Variants in ERCC3 observed in about 807,000 individuals in gnomAD.
ERCC3 encodes ERCC excision repair 3, TFIIH core complex helicase subunit.
ERCC3 carries 66 observed loss-of-function variants against 94.2 expected under a neutral mutation model. The observed-to-expected ratio is 0.70, with a 90% CI of 0.57 to 0.86. The LOEUF is 0.86. ERCC3 is among the 40% of genes least tolerant of loss of function. ERCC3 has a pLI of 0.00. For missense variants in ERCC3, 829 were observed against 987.1 expected (o/e 0.84, Z 2.15); for synonymous variants, 349 against 369.1 (o/e 0.95, Z 0.63).
chr2:127,275,068 C>T (rs187513135), intron 10 of ERCC3, among the ~76,000 whole-genome samples: 2 of 152,326 alleles, frequency 1.3e-5, no homozygotes, highest in East Asian at 3.9e-4. Context: ...TGCCATATAA[C>T]CCTAAGCCTC....
chr2:127,272,009 T>C (rs903171027), intron 11 of ERCC3, among the ~76,000 whole-genome samples: 1 of 30,052 alleles, frequency 3.3e-5, no homozygotes, highest in Non-Finnish European at 6.0e-5. Context: ...TCTCATTTCT[T>C]TTTTTTTTTT....
At chr2:127,287,693 C>G (rs1573958760) in intron 7 of ERCC3, among the ~76,000 whole-genome samples, 1 of 152,112 alleles carries the variant, frequency 6.6e-6, no homozygotes, top group Non-Finnish European at 1.5e-5. Flanking sequence ...TTGCCCACAG[C>G]CACGGGACAG....
rs919148453 is a variant in ERCC3, at chr2:127,277,414, G to A, written c.1730+1759C>T. ...TTTACAAAAAAGAAAATGTAAGGCC[G>A]GGCATGGTGGCTCACACCTGTAATC... On this transcript the variant is annotated intron_variant, in intron 10 of 14. Coordinates refer to ENST00000285398, the MANE Select transcript of ERCC3 (RefSeq NM_000122.2). The surrounding 1 kb of genome is among the most constrained non-coding windows in gnomAD (Gnocchi z 5.1). 3.3e-5 allele frequency among the ~76,000 whole-genome samples: 5 copies of A among 152,148 alleles called. No homozygotes were observed. The highest frequency in any genetic ancestry group is 7.4e-5 in the Non-Finnish European group (5 of 67,994).
In ERCC3 at chr2:127,289,337, C is replaced by G. The variant is rs746369215; in HGVS notation, c.822G>C (p.Gln274His). The change falls in exon 6 of 15, where the codon CAG (glutamine) becomes CAC (histidine). Residue 274 changes from glutamine (Q) to histidine (H), a missense_variant and splice_region_variant. Transcript: ENST00000285398. ...CCAGGAGGAAGGTACATTCACTAAC[C>G]TGCTTGACTTCAAAAGACACTGTCT... ...ETQTVSFEVK[Q>H]EMIEELQKRC... The G allele has an allele frequency of 6.2e-7, 1 of 1,613,746 alleles. No individual in the cohort carries two copies. Among genetic ancestry groups the G allele is most frequent in the African/African-American group, 1.3e-5 (1 of 75,030 alleles).
At chr2:127,289,605 G>GTT (rs1290762879) in intron 5 of ERCC3, 84 bp downstream of exon 5, 3 of 1,603,290 alleles carry the variant, frequency 1.9e-6, no homozygotes, top group Non-Finnish European at 2.6e-6. Flanking sequence ...CTGCTAGGTT[G>GTT]TAAGTGCTGG....
chr2:127,266,916 G>A (rs1210174221), intron 12 of ERCC3, among the ~76,000 whole-genome samples: 3 of 151,870 alleles, frequency 2.0e-5, no homozygotes, highest in Admixed American at 6.6e-5. Context: ...GGGTTTCACC[G>A]TGTTGCCCAG....
In ERCC3 at chr2:127,268,262, T is replaced by C. The variant is rs113994457; in HGVS notation, c.1945+3074A>G. On this transcript the variant is annotated intron_variant, in intron 12 of 14. Transcript: ENST00000285398. ...AGCCACCGCGCCTGGCCTGTTTTTT[T>C]GTTTGTTTTTGTTTTAAACAGGATC... Among the ~76,000 whole-genome samples the C allele has an allele frequency of 3.6e-3, 540 of 152,074 alleles. 2 individuals carry two copies. The highest frequency in any genetic ancestry group is 0.012 in the African/African-American group (506 of 41,448).
In ERCC3 at chr2:127,258,287, C is replaced by G. The variant is rs528574648; in HGVS notation, c.2218-560G>C. ...AAGTTCCTTAAAATCTCCTGAGACA[C>G]CACCATAAGGCTTTGAATCAAGTGG... On this transcript the variant is annotated intron_variant, in intron 14 of 14. Coordinates refer to ENST00000285398, the MANE Select transcript of ERCC3 (RefSeq NM_000122.2). This position sits in a 1 kb window ranked among gnomAD's most constrained non-coding sequence, Gnocchi z 4.1. Among the ~76,000 whole-genome samples, 1 of 152,256 alleles carries G rather than the reference C, an allele frequency of 6.6e-6. No individual in the cohort carries two copies. Among genetic ancestry groups the G allele is most frequent in the East Asian group, 1.9e-4 (1 of 5,182 alleles).
rs59921131 is a variant in ERCC3, at chr2:127,272,007, CTTTTTT to C, written c.1828-560_1828-555del. Among the ~76,000 whole-genome samples the C allele has an allele frequency of 6.3e-5, 4 of 63,050 alleles. No individual in the cohort carries two copies. In the East Asian group the frequency reaches 2.5e-3, roughly 39 times the overall value. 41.4% of individuals were successfully genotyped at this position (63,050 alleles called of 152,430 possible). A position where few individuals can be genotyped will look rare whatever the true frequency, so the allele number is the denominator to read the frequency against. ...GCCACAATCACATAAAATCTCATTT[CTTTTTT>C]TTTTTTTTTTTTTTTTTTTTTTGAG... On this transcript the variant is annotated intron_variant, in intron 11 of 14. Coordinates refer to ENST00000285398, the MANE Select transcript of ERCC3 (RefSeq NM_000122.2).
Position 127,257,666 on chromosome 2 carries a change from T to C in ERCC3, c.2279A>G (p.Glu760Gly), listed in dbSNP as rs761057040. ...CGCCTTGCTCCGCGATGAGTGGTAC[T>C]CCATGTACACAGTGTCGTCGGCCCC... ...MSGADDTVYMEYHSSRSKAPS... is the reference protein window; with the variant it reads ...MSGADDTVYMGYHSSRSKAPS... Residue 760 changes from glutamate to glycine, a missense_variant, in exon 15 of 15, where the codon GAG becomes GGG. Transcript: ENST00000285398. The surrounding 1 kb of genome is among the most constrained non-coding windows in gnomAD (Gnocchi z 5.4). 1 of 1,614,148 alleles carries C rather than the reference T, an allele frequency of 6.2e-7. No individual in the cohort carries two copies. The highest frequency in any genetic ancestry group is 2.2e-5 in the East Asian group (1 of 44,886).
At chr2:127,286,572 G>A in intron 8 of ERCC3, 131 bp downstream of exon 8, 2 of 853,392 alleles carry the variant, frequency 2.3e-6, no homozygotes, top group Non-Finnish European at 3.9e-6. Flanking sequence ...ACTATTAAAA[G>A]CTTTACCCAG....
At chr2:127,273,172 G>A (rs186006428) in intron 10 of ERCC3, among the ~76,000 whole-genome samples, 6 of 152,200 alleles carry the variant, frequency 3.9e-5, no homozygotes, top group South Asian at 4.1e-4. Context: ...CATTCTCTTC[G>A]GGATTCCCTC....
Position 127,259,522 on chromosome 2 carries a change from C to G in ERCC3, c.2065-74G>C. 1 of 1,597,704 alleles carries G rather than the reference C, an allele frequency of 6.3e-7. No individual in the cohort carries two copies. The highest frequency in any genetic ancestry group is 1.1e-5 in the South Asian group (1 of 90,638). On this transcript the variant is annotated intron_variant, in intron 13 of 14. Coordinates refer to ENST00000285398, the MANE Select transcript of ERCC3 (RefSeq NM_000122.2). The surrounding 1 kb of genome is among the most constrained non-coding windows in gnomAD (Gnocchi z 4.9). ...AGCCCTCCTCTGCCTTCTCCTGGGT[C>G]CACCTGCTTTGGTCACTTCCCTCCC... is the stretch of plus-strand genomic sequence containing the variant.
Position 127,261,336 on chromosome 2 carries a change from T to C in ERCC3, c.1956A>G (p.Ala652=). The change falls in exon 13 of 15, where the codon GCA becomes GCG. Residue 652 remains alanine, a synonymous_variant. Coordinates refer to ENST00000285398, the MANE Select transcript of ERCC3 (RefSeq NM_000122.2). Reference sequence around the variant, plus strand: ...AGTAGAAAAAGGCATTGTACTCTTCTGCAACCATCCCTGCAGGAAAAAATG... The same window carrying C: ...AGTAGAAAAAGGCATTGTACTCTTCCGCAACCATCCCTGCAGGAAAAAATG... ...RVLRAKKGMV[A]EEYNAFFYSL... is the part of the protein sequence containing the mutation. 1 of 1,597,644 alleles carries C rather than the reference T, an allele frequency of 6.3e-7. No individual in the cohort carries two copies. Among genetic ancestry groups the C allele is most frequent in the African/African-American group, 1.3e-5 (1 of 74,670 alleles).
chr2:127,263,721 T>C (rs1415721329), intron 12 of ERCC3, among the ~76,000 whole-genome samples: 4 of 149,328 alleles, frequency 2.7e-5, no homozygotes, highest in East Asian at 3.9e-4. Flanking sequence ...TTTTTTTTTT[T>C]CTGGGGGACG....
At chr2:127,269,417 CTTTTTT>C (rs70985445) in intron 12 of ERCC3, among the ~76,000 whole-genome samples, 20 of 113,568 alleles carry the variant, frequency 1.8e-4, no homozygotes, top group African/African-American at 4.1e-4. Context: ...ATTCTATTCA[CTTTTTT>C]TTTTTTTTTT....
At chr2:127,292,228 A>C in intron 3 of ERCC3, 1 of 355,092 alleles carries the variant, frequency 2.8e-6, no homozygotes, top group Non-Finnish European at 5.5e-6. Context: ...TTTGAAGACA[A>C]AATTTGAGGG....
intron 12 of ERCC3, among the ~76,000 whole-genome samples, chr2:127,266,333 CTTTTTTTT>C (rs58029182): frequency 0.42 from 46,601 of 111,610 alleles, 8,703 homozygotes; most frequent in East Asian, 0.63. Context: ...TTTATTGAGT[CTTTTTTTT>C]TTTTTTTTTT....
chr2:127,259,225 CTG>C lies in ERCC3; in HGVS notation c.2217+69_2217+70del. 1 of 1,564,426 alleles carries C rather than the reference CTG, an allele frequency of 6.4e-7. No individual in the cohort carries two copies. The highest frequency in any genetic ancestry group is 8.8e-7 in the Non-Finnish European group (1 of 1,136,076). On this transcript the variant is annotated intron_variant, in intron 14 of 14. Transcript: ENST00000285398. This position sits in a 1 kb window ranked among gnomAD's most constrained non-coding sequence, Gnocchi z 4.9. ...GGCCCATCCAGGCAGGACTACATGT[CTG>C]TGTCTGTGTCTACAAACGCTGCCCT...
Sources: gnomAD v4.1 joint callset for allele counts (sites outside exome capture counted in the v4.1 genomes callset) on GRCh38, gnomAD v4.1.1 for gene constraint, Gnocchi (gnomAD v3.1) non-coding constraint, MANE v1.5 for transcripts, NCBI Gene and HGNC (gene_info 2026-07-23, HGNC 2026-07-21) for gene names.